Variants in MRTFB observed in about 807,000 individuals in gnomAD.
MRTFB encodes the protein myocardin-related transcription factor B.
A neutral mutation model predicts 104.2 loss-of-function variants in MRTFB; 29 were observed. The observed-to-expected ratio is 0.28, with a 90% CI of 0.21 to 0.38. MRTFB has a LOEUF of 0.38. Ranked by LOEUF, MRTFB falls within the 10% of genes least tolerant of loss-of-function variation. The pLI is 1.00. For missense variants in MRTFB, 1,270 were observed against 1,341.6 expected, an observed-to-expected ratio of 0.95 and a Z score of 0.83; for synonymous variants, 535 against 519.5, an observed-to-expected ratio of 1.03 and a Z score of -0.41.
intron 15 of MRTFB, 110 bp from the exon 16 acceptor site, chr16:14,257,991 T>A: frequency 1.1e-6 from 1 of 922,748 alleles, no homozygotes; most frequent in Non-Finnish European, 1.7e-6. Flanking sequence ...TTCAAAATTA[T>A]CACGATAGAT....
intron 2 of MRTFB, among the ~76,000 whole-genome samples, chr16:14,088,512 C>T (rs886743701): frequency 6.6e-6 from 1 of 152,096 alleles, no homozygotes; most frequent in African/African-American, 2.4e-5. Flanking sequence ...CATTGTAGAC[C>T]ATGGAAATGC....
Position 14,265,716 on chromosome 16 carries a change from GA to G in MRTFB, c.*4276del, listed in dbSNP as rs2043926250. 3.9e-5 allele frequency: 6 copies of G among 152,220 alleles called. No homozygotes were observed. The South Asian group carries it at 1.2e-3, about 32-fold the overall frequency. The allele number at this position is 152,220 out of a possible 1,614,324, so 9.4% of individuals were successfully genotyped here. A position where few individuals can be genotyped will look rare whatever the true frequency, so the allele number is the denominator to read the frequency against. ...ATCTTTCATGGAAGGCCTACAATTC[GA>G]AAAGCTGCACATGTTTACAGAAGAG... On this transcript the variant is annotated 3_prime_UTR_variant, in exon 17 of 17. Coordinates refer to ENST00000571589, the MANE Select transcript of MRTFB (RefSeq NM_001308142.2).
At chr16:14,009,626 A>C in the MRTFB span, 6 of 152,208 alleles carry the variant, frequency 3.9e-5, no homozygotes, top group Non-Finnish European at 8.8e-5. Context: ...TTCACGATTA[A>C]GTGTGATGTT....
chr16:14,167,084 C>G (rs1455133630), intron 3 of MRTFB, among the ~76,000 whole-genome samples: 3 of 152,230 alleles, frequency 2.0e-5, no homozygotes, highest in Non-Finnish European at 4.4e-5. Flanking sequence ...GAAATTGCCA[C>G]ACTGTCTTCC....
intron 3 of MRTFB, 122 bp downstream of exon 3, chr16:14,140,882 C>T: frequency 9.9e-7 from 1 of 1,012,648 alleles, no homozygotes; most frequent in Non-Finnish European, 1.5e-6. Context: ...GAGGAGAACC[C>T]TGTAGAGGTA....
intron 13 of MRTFB, among the ~76,000 whole-genome samples, chr16:14,250,887 T>TA (rs1236910802): frequency 2.6e-5 from 4 of 152,110 alleles, no homozygotes; most frequent in Admixed American, 6.5e-5. Context: ...ACCTAAGTTT[T>TA]AAAAAAAGCA....
the MRTFB span, among the ~76,000 whole-genome samples, chr16:14,017,248 G>C: frequency 6.6e-6 from 1 of 151,530 alleles, no homozygotes; most frequent in South Asian, 2.1e-4. Context: ...AATAGAGACG[G>C]GGTTTCACCA....
At chr16:14,074,888 G>T (rs896931085) in intron 1 of MRTFB, among the ~76,000 whole-genome samples, 1 of 152,078 alleles carries the variant, frequency 6.6e-6, no homozygotes, top group African/African-American at 2.4e-5. Context: ...CCATTTTTTT[G>T]AAAATGTTTA....
chr16:14,095,271 C>T (rs1047698673), intron 2 of MRTFB, among the ~76,000 whole-genome samples: 1 of 152,182 alleles, frequency 6.6e-6, no homozygotes, highest in African/African-American at 2.4e-5. Flanking sequence ...TGAAATGAGT[C>T]CACATTATCA....
At chr16:14,077,601 A>G (rs1268488816) in intron 1 of MRTFB, among the ~76,000 whole-genome samples, 2 of 149,582 alleles carry the variant, frequency 1.3e-5, no homozygotes, top group African/African-American at 4.9e-5. Context: ...AACACTTTTT[A>G]AAGAATCAAG....
the MRTFB span, among the ~76,000 whole-genome samples, chr16:14,040,380 C>G: frequency 6.6e-6 from 1 of 152,102 alleles, no homozygotes; most frequent in Non-Finnish European, 1.5e-5. Context: ...ATAGATGGGG[C>G]CAGTTGCCCT....
At chr16:14,243,376 T>A (rs2042863901) in intron 10 of MRTFB, among the ~76,000 whole-genome samples, 1 of 152,240 alleles carries the variant, frequency 6.6e-6, no homozygotes, top group Admixed American at 6.5e-5. Context: ...CACCCAACTA[T>A]GGCTGTCACC....
intron 2 of MRTFB, among the ~76,000 whole-genome samples, chr16:14,084,652 T>C (rs1005828334): frequency 1.3e-5 from 2 of 152,168 alleles, no homozygotes; most frequent in African/African-American, 4.8e-5. Flanking sequence ...CAAACTTGGG[T>C]GATGATATTA....
the MRTFB span, among the ~76,000 whole-genome samples, chr16:14,029,786 G>A: frequency 9.9e-5 from 15 of 152,210 alleles, no homozygotes; most frequent in East Asian, 1.9e-3. Context: ...TGAAGCAGCC[G>A]CCCTGTGTGT....
At chr16:14,064,106 A>T in the MRTFB span, among the ~76,000 whole-genome samples, 1 of 152,214 alleles carries the variant, frequency 6.6e-6, no homozygotes, top group African/African-American at 2.4e-5. Flanking sequence ...GTGAATAAGC[A>T]TTCCCTTTTC....
chr16:14,016,497 GCGCGGTGGCTC>G, the MRTFB span, among the ~76,000 whole-genome samples: 1 of 152,078 alleles, frequency 6.6e-6, no homozygotes, highest in African/African-American at 2.4e-5. Context: ...CCTAGGCTGG[GCGCGGTGGCTC>G]ACGCCTGTAA....
chr16:14,016,575 C>G, the MRTFB span, among the ~76,000 whole-genome samples: 2 of 151,994 alleles, frequency 1.3e-5, no homozygotes, highest in Non-Finnish European at 2.9e-5. Flanking sequence ...GAGTTCGAGA[C>G]CAGCCTGAGC....
At chr16:14,036,306 A>G in the MRTFB span, among the ~76,000 whole-genome samples, 2 of 129,294 alleles carry the variant, frequency 1.5e-5, no homozygotes, top group African/African-American at 5.5e-5. Context: ...TTATATATAT[A>G]TATATATATA....
chr16:14,236,832 A>G (rs1176748183), intron 9 of MRTFB, among the ~76,000 whole-genome samples: 1 of 152,186 alleles, frequency 6.6e-6, no homozygotes, highest in African/African-American at 2.4e-5. Context: ...AGTAGGGCGC[A>G]AAGGTAGAAG....
Sources: gnomAD v4.1 joint callset for allele counts (sites outside exome capture counted in the v4.1 genomes callset) on GRCh38, gnomAD v4.1.1 for gene constraint, MANE v1.5 for transcripts, NCBI Gene and HGNC (gene_info 2026-07-23, HGNC 2026-07-21) for gene names.